Variants in ZSCAN18 observed in about 807,000 individuals in gnomAD.
ZSCAN18 encodes zinc finger and SCAN domain containing 18.
In ZSCAN18, 16 loss-of-function variants were observed where a neutral mutation model predicts 31.1. The observed-to-expected ratio is 0.51, with a 90% CI of 0.35 to 0.78. ZSCAN18 has a LOEUF of 0.78. Ranked by LOEUF, ZSCAN18 falls within the 30% of genes least tolerant of loss-of-function variation. The probability of loss-of-function intolerance (pLI) is 0.01; values close to 1 mark genes in which losing one functional copy is unlikely to be tolerated. For missense variants in ZSCAN18, 731 were observed against 697.4 expected (o/e 1.05, Z -0.54); for synonymous variants, 375 against 320.7 (o/e 1.17, Z -1.81).
chr19:58,108,987 T>TG, intron 1 of ZSCAN18: 1 of 1,185,254 alleles, frequency 8.4e-7, no homozygotes, highest in Non-Finnish European at 1.0e-6. Context: ...GTTTAACCTT[T>TG]GAGTCATGTT....
At chr19:58,089,495 A>G (rs984863037) in intron 2 of ZSCAN18, among the ~76,000 whole-genome samples, 18 of 141,708 alleles carry the variant, frequency 1.3e-4, no homozygotes, top group African/African-American at 4.7e-4. Flanking sequence ...GCATCGTGGC[A>G]GGCGCCTGTA....
At chr19:58,107,886 G>T in intron 1 of ZSCAN18, 1 of 1,067,372 alleles carries the variant, frequency 9.4e-7, no homozygotes, top group South Asian at 3.7e-5. Flanking sequence ...GGTCAGACAG[G>T]AGCTGTCCCT....
intron 1 of ZSCAN18, among the ~76,000 whole-genome samples, chr19:58,091,070 G>C (rs1429054534): frequency 6.7e-6 from 1 of 149,898 alleles, no homozygotes. Context: ...AGGAGTTTGA[G>C]ACCAGCCTGA....
chr19:58,097,074 G>A (rs1215773635), intron 1 of ZSCAN18, among the ~76,000 whole-genome samples: 2 of 152,140 alleles, frequency 1.3e-5, no homozygotes, highest in Admixed American at 6.5e-5. Context: ...GAAACCATCC[G>A]CAGGACATGA....
rs372525984 is a variant in ZSCAN18 at position 58,088,704 on chromosome 19, C to T, written c.537G>A (p.Pro179=). The T allele has an allele frequency of 3.2e-5, 51 of 1,610,188 alleles. No homozygotes were observed. The African/African-American group carries it at 4.1e-4, about 13-fold the overall frequency. The change falls in exon 3 of 7, where the codon CCG becomes CCA. Residue 179 remains proline, a synonymous_variant. Transcript: ENST00000601144. ...GGCACTCACGTGTCTCAGAAGGTGC[C>T]GGGATCTCCCCAGCTCCAAGGGCCT... The part of the protein sequence containing the change: ...PSQALGAGEI[P]APSETPWLSP...
At chr19:58,102,867 C>T (rs1040613549), upstream of ZSCAN18, among the ~76,000 whole-genome samples, 1 of 152,172 alleles carries the variant, frequency 6.6e-6, no homozygotes, top group African/African-American at 2.4e-5. Flanking sequence ...CACAGTGCCT[C>T]ACACCTGTAA....
In ZSCAN18 at chr19:58,088,766, G is replaced by A. The variant is rs1316844649; in HGVS notation, c.475C>T (p.Pro159Ser). 4.3e-6 allele frequency: 7 copies of A among 1,611,132 alleles called. No homozygotes were observed. Among genetic ancestry groups the A allele is most frequent in the Non-Finnish European group, 5.9e-6 (7 of 1,179,992 alleles). The change falls in exon 3 of 7, where the codon CCT (proline) becomes TCT (serine). Residue 159 changes from proline (P) to serine (S), a missense_variant. Pro to Ser is a moderately conservative substitution (Grantham distance 74). Coordinates refer to ENST00000601144, the MANE Select transcript of ZSCAN18 (RefSeq NM_001145543.2). The part of the protein sequence containing the change: ...SDGVYERHMD[P>S]LLLPGELASP... Reference sequence around the variant, plus strand: ...GCGAGCTCGCCTGGTAGCAGCAGAGGGTCCATGTGCCTCTCGTACACTCCA... The same window carrying A: ...GCGAGCTCGCCTGGTAGCAGCAGAGAGTCCATGTGCCTCTCGTACACTCCA...
chr19:58,099,072 G>A (rs2074570527), upstream of ZSCAN18, among the ~76,000 whole-genome samples: 1 of 152,148 alleles, frequency 6.6e-6, no homozygotes, highest in African/African-American at 2.4e-5. Context: ...TTATGAGGAT[G>A]CCATTTTGGT....
chr19:58,100,418 G>A (rs758342003), upstream of ZSCAN18, among the ~76,000 whole-genome samples: 6 of 152,134 alleles, frequency 3.9e-5, no homozygotes, highest in African/African-American at 4.8e-5. Flanking sequence ...TCTCTCAATC[G>A]TGGGGCAGAG....
chr19:58,102,805 A>T (rs2074606025), upstream of ZSCAN18, among the ~76,000 whole-genome samples: 1 of 152,204 alleles, frequency 6.6e-6, no homozygotes, highest in African/African-American at 2.4e-5. Context: ...CCAAGATAAC[A>T]GATGGTAACA....
intron 1 of ZSCAN18, among the ~76,000 whole-genome samples, chr19:58,105,291 G>C (rs990327413): frequency 6.6e-6 from 1 of 152,138 alleles, no homozygotes; most frequent in African/African-American, 2.4e-5. Context: ...TGTTGTTCTC[G>C]CAACTGCCAA....
chr19:58,117,505 C>G (rs777078293), intron 1 of ZSCAN18, among the ~76,000 whole-genome samples: 1 of 151,988 alleles, frequency 6.6e-6, no homozygotes, highest in South Asian at 2.1e-4. Flanking sequence ...GAAGCCATCT[C>G]TTGGGATAAA....
intron 5 of ZSCAN18, 128 bp downstream of exon 5, chr19:58,086,778 G>A (rs536366698): frequency 2.4e-5 from 16 of 659,652 alleles, no homozygotes; most frequent in Admixed American, 2.0e-4. Flanking sequence ...GCTCCAACAC[G>A]TGCAAGTTCA....
intron 1 of ZSCAN18, among the ~76,000 whole-genome samples, chr19:58,116,724 G>A (rs1329017778): frequency 1.3e-5 from 2 of 152,112 alleles, no homozygotes; most frequent in African/African-American, 4.8e-5. Context: ...CCAGTCCTAG[G>A]GCATGTGAGG....
At chr19:58,114,192 T>C (rs1305874088) in intron 1 of ZSCAN18, among the ~76,000 whole-genome samples, 12 of 151,646 alleles carry the variant, frequency 7.9e-5, no homozygotes, top group Non-Finnish European at 1.8e-4. Flanking sequence ...CACTTGAACC[T>C]GGGAGGTAGA....
chr19:58,087,549 T>C, intron 3 of ZSCAN18, 145 bp from the exon 4 acceptor site: 1 of 678,190 alleles, frequency 1.5e-6, no homozygotes, highest in Non-Finnish European at 2.5e-6. Flanking sequence ...ACACTACACC[T>C]TTCCCTGATT....
In ZSCAN18 at chr19:58,088,537, C is replaced by A. The variant is rs1438123790; in HGVS notation, c.553+151G>T. The A allele has an allele frequency of 2.1e-5, 15 of 701,154 alleles. No individual in the cohort carries two copies. In the East Asian group the frequency reaches 3.9e-4, roughly 18 times the overall value. 43.4% of individuals were successfully genotyped at this position (701,154 alleles called of 1,614,324 possible). A position where few individuals can be genotyped will look rare whatever the true frequency, so the allele number is the denominator to read the frequency against. On this transcript the variant is annotated intron_variant, in intron 3 of 6. Coordinates refer to ENST00000601144, the MANE Select transcript of ZSCAN18 (RefSeq NM_001145543.2). ...AATTTAATAAACAATGTCTAACATT[C>A]AGAGAAACTACAGGAGGAAGTCCCA...
chr19:58,103,023 G>C (rs540730337), upstream of ZSCAN18, among the ~76,000 whole-genome samples: 1 of 151,946 alleles, frequency 6.6e-6, no homozygotes, highest in Non-Finnish European at 1.5e-5. Context: ...TTGGGAGGCC[G>C]AGGCAGCAGA....
intron 1 of ZSCAN18, among the ~76,000 whole-genome samples, chr19:58,103,784 T>C (rs2074612831): frequency 7.6e-6 from 1 of 131,534 alleles, no homozygotes; most frequent in Non-Finnish European, 1.7e-5. Flanking sequence ...ATGATTAAGC[T>C]TAGTAAGGAA....
Sources: allele counts gnomAD v4.1 joint callset (sites outside exome capture counted in the v4.1 genomes callset), GRCh38; gene constraint gnomAD v4.1.1; transcripts MANE v1.5; gene names NCBI Gene and HGNC (gene_info 2026-07-23, HGNC 2026-07-21).